The following CCNB1 variants were observed in gnomAD, a reference collection of about 807,000 sequenced individuals.
The protein encoded by CCNB1 is G2/mitotic-specific cyclin-B1.
A neutral mutation model predicts 44.4 loss-of-function variants in CCNB1; 26 were observed. The observed-to-expected ratio is 0.59, with a 90% CI of 0.43 to 0.81. The LOEUF (loss-of-function observed/expected upper bound fraction) is 0.81. CCNB1 is among the 40% of genes least tolerant of loss of function. CCNB1 has a pLI of 0.00. For synonymous variants in CCNB1, 195 were observed against 181.4 expected (o/e 1.08, Z -0.60); for missense variants, 477 against 520.9 (o/e 0.92, Z 0.82).
chr5:69,171,683 C>A (rs1404650153), intron 4 of CCNB1, among the ~76,000 whole-genome samples: 1 of 152,118 alleles, frequency 6.6e-6, no homozygotes, highest in African/African-American at 2.4e-5. Context: ...ACTACTATCG[C>A]TTTCTAAAGG....
intron 7 of CCNB1, among the ~76,000 whole-genome samples, chr5:69,175,994 T>TATATATATAC (rs1747579626): frequency 1.5e-5 from 2 of 134,600 alleles, no homozygotes; most frequent in African/African-American, 6.0e-5. Context: ...TATATATATA[T>TATATATATAC]ATATATATAT....
rs1240659943 is a variant in CCNB1, at chr5:69,167,155, G to T, written c.-108G>T. On this transcript the variant is annotated 5_prime_UTR_variant, in exon 1 of 9. Coordinates refer to ENST00000256442, the MANE Select transcript of CCNB1 (RefSeq NM_031966.4). ...AGGCTAGGCTGGCTCTTCTCGGCGT[G>T]CTGCGGCGGAACGGCTGTTGGTTTC... 1.0e-5 allele frequency: 9 copies of T among 903,366 alleles called. No homozygotes were observed. Among genetic ancestry groups the T allele is most frequent in the Non-Finnish European group, 1.5e-5 (9 of 599,666 alleles). The allele number at this position is 903,366 out of a possible 1,614,324, so 56.0% of individuals were successfully genotyped here.
chr5:69,167,683 G>A (rs1167964547), intron 1 of CCNB1, among the ~76,000 whole-genome samples: 4 of 152,102 alleles, frequency 2.6e-5, no homozygotes, highest in African/African-American at 9.7e-5. Flanking sequence ...GTATTTTAGG[G>A]CTGGCCAGGA....
At chr5:69,174,840 A>T (rs1187654361) in intron 5 of CCNB1, 37 bp from the exon 6 acceptor site, 1 of 1,540,306 alleles carries the variant, frequency 6.5e-7, no homozygotes, top group Non-Finnish European at 9.0e-7. Flanking sequence ...TCTCCTTTTC[A>T]AACATTTTAT....
rs763498172 is a variant in CCNB1 at position 69,168,070 on chromosome 5, A to G, written c.184A>G (p.Met62Val). The change falls in exon 2 of 9, where the codon ATG becomes GTG. Residue 62 changes from methionine to valine, a missense_variant. Coordinates refer to ENST00000256442, the MANE Select transcript of CCNB1 (RefSeq NM_031966.4). ...VSEQLQAKMP[M>V]KKEAKPSATG... The stretch of plus-strand genomic sequence containing the variant: ...TGAACAACTGCAGGCCAAAATGCCT[A>G]TGAAGAAGGTAACTCTCTTCCTGAC... The G allele has an allele frequency of 4.3e-6, 7 of 1,613,498 alleles. No homozygotes were observed. Among genetic ancestry groups the G allele is most frequent in the Admixed American group, 3.3e-5 (2 of 59,812 alleles).
chr5:69,175,482 A>G lies in CCNB1; in HGVS notation c.1028A>G (p.Gln343Arg). 6.2e-7 allele frequency: 1 copy of G among 1,613,996 alleles called. No individual in the cohort carries two copies. The highest frequency in any genetic ancestry group is 8.5e-7 in the Non-Finnish European group (1 of 1,179,840). Residue 343 changes from glutamine (Q) to arginine (R), a missense_variant, in exon 7 of 9, where the codon CAA (glutamine) becomes CGA (arginine). Coordinates refer to ENST00000256442, the MANE Select transcript of CCNB1 (RefSeq NM_031966.4). ...DYDMVHFPPS[Q>R]IAAGAFCLAL... ...GACATGGTGCACTTTCCTCCTTCTC[A>G]AATTGCAGCAGGAGCTTTTTGCTTA...
Position 69,167,221 on chromosome 5 carries a change from CTG to C in CCNB1, c.-41_-40del, listed in dbSNP as rs1747352080. ...CTTGGCTGGTCGGGCCTCCGGTGTT[CTG>C]CTTCTCCCCGCTGAGCTGCTGCCTG... On this transcript the variant is annotated 5_prime_UTR_variant, in exon 1 of 9. Coordinates refer to ENST00000256442, the MANE Select transcript of CCNB1 (RefSeq NM_031966.4). The C allele has an allele frequency of 6.5e-7, 1 of 1,529,354 alleles. No homozygotes were observed. Among genetic ancestry groups the C allele is most frequent in the South Asian group, 1.2e-5 (1 of 80,360 alleles). 94.7% of individuals were successfully genotyped at this position (1,529,354 alleles called of 1,614,324 possible). A position where few individuals can be genotyped will look rare whatever the true frequency, so the allele number is the denominator to read the frequency against.
Position 69,167,168 on chromosome 5 carries a change from G to C in CCNB1, c.-95G>C. The C allele has an allele frequency of 1.9e-6, 2 of 1,035,840 alleles. No homozygotes were observed. The highest frequency in any genetic ancestry group is 2.8e-6 in the Non-Finnish European group (2 of 719,438). 64.2% of individuals were successfully genotyped at this position (1,035,840 alleles called of 1,614,324 possible). On this transcript the variant is annotated 5_prime_UTR_variant, in exon 1 of 9. Coordinates refer to ENST00000256442, the MANE Select transcript of CCNB1 (RefSeq NM_031966.4). ...TCTTCTCGGCGTGCTGCGGCGGAAC[G>C]GCTGTTGGTTTCTGCTGGGTGTAGG...
intron 5 of CCNB1, among the ~76,000 whole-genome samples, 154 bp from the exon 6 acceptor site, chr5:69,174,723 G>T (rs550106268): frequency 2.6e-5 from 4 of 151,498 alleles, no homozygotes; most frequent in African/African-American, 9.7e-5. Flanking sequence ...AAAAAAGAAA[G>T]AAATAAACTG....
chr5:69,175,982 AATATATAT>A (rs68140968), intron 7 of CCNB1, among the ~76,000 whole-genome samples: 1,983 of 116,392 alleles, frequency 0.017, 79 homozygotes, highest in African/African-American at 0.057. Flanking sequence ...AAATATATAA[AATATATAT>A]ATATATATAT....
chr5:69,175,149 C>A, intron 6 of CCNB1, 36 bp downstream of exon 6: 1 of 1,434,718 alleles, frequency 7.0e-7, no homozygotes, highest in Non-Finnish European at 9.8e-7. Flanking sequence ...CGTATGGGTA[C>A]ATTAGGGGGA....
chr5:69,174,200 T>C (rs780024338), intron 4 of CCNB1, 51 bp from the exon 5 acceptor site: 7 of 1,557,320 alleles, frequency 4.5e-6, no homozygotes, highest in South Asian at 1.1e-5. Flanking sequence ...TGGACATAAA[T>C]GTGTCACATG....
In CCNB1 at chr5:69,168,732, A is replaced by T. The variant is rs531633012; in HGVS notation, c.363+389A>T. 2.0e-5 allele frequency among the ~76,000 whole-genome samples: 3 copies of T among 152,332 alleles called. No homozygotes were observed. The South Asian group carries it at 6.2e-4, about 32-fold the overall frequency. On this transcript the variant is annotated intron_variant, in intron 3 of 8. Transcript: ENST00000256442. ...AGGCTTTGTTATCCAACTACAAGCC[A>T]TCTCTGCAGAATTTATTGGCGTAAA...
intron 4 of CCNB1, among the ~76,000 whole-genome samples, chr5:69,172,403 C>T (rs900929536): frequency 3.3e-5 from 5 of 151,958 alleles, no homozygotes; most frequent in African/African-American, 7.3e-5. Flanking sequence ...ATTACAGGTG[C>T]CCACCACAAC....
chr5:69,176,748 A>G (rs1747603398), intron 7 of CCNB1, among the ~76,000 whole-genome samples: 1 of 151,820 alleles, frequency 6.6e-6, no homozygotes, highest in Non-Finnish European at 1.5e-5. Context: ...TGGGAGGCAG[A>G]GTTGGGCAGA....
At chr5:69,170,900 G>T (rs1348593252) in intron 3 of CCNB1, among the ~76,000 whole-genome samples, 1 of 152,204 alleles carries the variant, frequency 6.6e-6, no homozygotes, top group East Asian at 1.9e-4. Context: ...TTACTGGCTT[G>T]AGCTGTTATG....
rs369118449 is a variant in CCNB1, at chr5:69,167,279, C to G, written c.17C>G (p.Thr6Ser). The change falls in exon 1 of 9, where the codon ACC becomes AGC. Residue 6 changes from threonine (T) to serine (S), a missense_variant. Thr to Ser is a moderately conservative substitution (Grantham distance 58, BLOSUM62 1). Coordinates refer to ENST00000256442, the MANE Select transcript of CCNB1 (RefSeq NM_031966.4). ...GAGGAAGCCATGGCGCTCCGAGTCA[C>G]CAGGGTGAGCCGCTTCGGACTGCGA... Reference protein sequence around the residue: MALRVTRNSKINAENK... With the variant: MALRVSRNSKINAENK... 492 of 1,584,124 alleles carry G rather than the reference C, an allele frequency of 3.1e-4. No homozygotes were observed. Among genetic ancestry groups the G allele is most frequent in the Non-Finnish European group, 4.0e-4 (466 of 1,167,924 alleles).
In CCNB1 at chr5:69,167,186, G is replaced by C. The variant is rs575008829; in HGVS notation, c.-77G>C. The C allele has an allele frequency of 3.9e-6, 5 of 1,285,986 alleles. No individual in the cohort carries two copies. The Admixed American group carries it at 9.8e-5, about 25-fold the overall frequency. 79.7% of individuals were successfully genotyped at this position (1,285,986 alleles called of 1,614,324 possible). A position where few individuals can be genotyped will look rare whatever the true frequency, so the allele number is the denominator to read the frequency against. ...GCGGAACGGCTGTTGGTTTCTGCTG[G>C]GTGTAGGTCCTTGGCTGGTCGGGCC... is the stretch of plus-strand genomic sequence containing the variant. On this transcript the variant is annotated 5_prime_UTR_variant, in exon 1 of 9. Transcript: ENST00000256442.
At position 69,177,364 on chromosome 5, in the gene CCNB1, T is replaced by A. The variant is rs772198712; in HGVS notation, c.1194+15T>A. 1 of 1,517,130 alleles carries A rather than the reference T, an allele frequency of 6.6e-7. No individual in the cohort carries two copies. The highest frequency in any genetic ancestry group is 9.1e-7 in the Non-Finnish European group (1 of 1,093,056). The allele number at this position is 1,517,130 out of a possible 1,614,324, so 94.0% of individuals were successfully genotyped here. Reference sequence around the variant, plus strand: ...CAAAGCACATGGTGAGTCAATATAGTGGCATTGTAAGATGCTGAAAAGTGT... The same window carrying A: ...CAAAGCACATGGTGAGTCAATATAGAGGCATTGTAAGATGCTGAAAAGTGT... On this transcript the variant is annotated intron_variant, in intron 8 of 8. Transcript: ENST00000256442.
Sources: gnomAD v4.1 joint callset for allele counts (sites outside exome capture counted in the v4.1 genomes callset) on GRCh38, gnomAD v4.1.1 for gene constraint, MANE v1.5 for transcripts, NCBI Gene and HGNC (gene_info 2026-07-23, HGNC 2026-07-21) for gene names.